Variants in JMJD1C observed in about 807,000 individuals in gnomAD.
JMJD1C encodes the protein jumonji domain-containing protein 1C.
JMJD1C carries 31 observed loss-of-function variants against 245.3 expected under a neutral mutation model. That is an observed-to-expected ratio of 0.13 (90% CI 0.09 to 0.17). The LOEUF is 0.17. Among genes scored for constraint, JMJD1C ranks in the 10% least tolerant of loss-of-function variants. JMJD1C has a pLI of 1.00. For synonymous variants in JMJD1C, 1,057 were observed against 1,017.4 expected (o/e 1.04, Z -0.74); for missense variants, 2,691 against 3,000.2 (o/e 0.90, Z 2.41).
At chr10:63,421,638 TCTGA>T (rs1319038191) in intron 1 of JMJD1C, among the ~76,000 whole-genome samples, 15 of 152,338 alleles carry the variant, frequency 9.8e-5, no homozygotes, top group African/African-American at 3.6e-4. Context: ...CCCTGATGTG[TCTGA>T]CTATATTTGC....
chr10:63,222,649 A>G, intron 3 of JMJD1C: 7 of 1,550,322 alleles, frequency 4.5e-6, no homozygotes, highest in Non-Finnish European at 6.2e-6. Context: ...AAAGAAATAG[A>G]GATCGGTGTG....
At chr10:63,378,906 T>C (rs900649363) in intron 2 of JMJD1C, among the ~76,000 whole-genome samples, 24 of 152,180 alleles carry the variant, frequency 1.6e-4, no homozygotes, top group Non-Finnish European at 3.4e-4. Flanking sequence ...AATTATCTTC[T>C]TTAGTTTGCT....
At chr10:63,310,897 G>A (rs910529375) in intron 2 of JMJD1C, among the ~76,000 whole-genome samples, 8 of 152,118 alleles carry the variant, frequency 5.3e-5, no homozygotes, top group East Asian at 3.9e-4. Context: ...AAATAAACCC[G>A]ACATTAAGAT....
intron 2 of JMJD1C, among the ~76,000 whole-genome samples, chr10:63,376,688 T>A (rs1019458383): frequency 1.3e-5 from 2 of 152,124 alleles, no homozygotes; most frequent in African/African-American, 4.8e-5. Context: ...CAACATCACA[T>A]TAAGCATTAG....
Position 63,177,831 on chromosome 10 carries a change from T to A in JMJD1C, c.7110A>T (p.Glu2370Asp), listed in dbSNP as rs753338874. 1.9e-6 allele frequency: 3 copies of A among 1,612,966 alleles called. No individual in the cohort carries two copies. The highest frequency in any genetic ancestry group is 2.2e-5 in the South Asian group (2 of 90,666). ...TTTTCCTTAAAATGTCATCCAAATC[T>A]TCTTCCTCAAATTTCTTGAGAATTC... is the stretch of plus-strand genomic sequence containing the variant. ...KAGILKKFEE[E>D]DLDDILRKRL... is the part of the protein sequence containing the mutation. The change falls in exon 23 of 26, where the codon GAA becomes GAT. Residue 2370 changes from glutamate to aspartate, a missense_variant. Physicochemically the swap from Glu to Asp is conservative, Grantham distance 45. Transcript: ENST00000399262.
At chr10:63,361,739 A>G (rs12358791) in intron 2 of JMJD1C, among the ~76,000 whole-genome samples, 7 of 113,284 alleles carry the variant, frequency 6.2e-5, no homozygotes, top group African/African-American at 1.2e-4. Flanking sequence ...AAAAAAAAAA[A>G]AAAAAAAAGA....
intron 22 of JMJD1C, among the ~76,000 whole-genome samples, chr10:63,179,012 T>C (rs1279993447): frequency 1.3e-5 from 2 of 152,216 alleles, no homozygotes; most frequent in Non-Finnish European, 2.9e-5. Context: ...TTGTATCTAC[T>C]AAATAATTTC....
At chr10:63,492,409 T>C (rs1186172469) in intron 1 of JMJD1C, among the ~76,000 whole-genome samples, 2 of 152,228 alleles carry the variant, frequency 1.3e-5, no homozygotes, top group Non-Finnish European at 2.9e-5. Flanking sequence ...CTCACGCCTG[T>C]AATCCCAGCA....
intron 1 of JMJD1C, among the ~76,000 whole-genome samples, chr10:63,395,782 T>C (rs1948445213): frequency 6.6e-6 from 1 of 152,168 alleles, no homozygotes; most frequent in Admixed American, 6.5e-5. Context: ...AAACTGTTGA[T>C]ATATGCAACA....
intron 1 of JMJD1C, among the ~76,000 whole-genome samples, chr10:63,495,202 A>G (rs191743287): frequency 1.1e-4 from 16 of 151,986 alleles, no homozygotes; most frequent in African/African-American, 3.4e-4. Context: ...AAAGGAACCA[A>G]TGTTCTTTGT....
chr10:63,391,924 A>C, intron 1 of JMJD1C, among the ~76,000 whole-genome samples: 1 of 152,208 alleles, frequency 6.6e-6, no homozygotes, highest in Non-Finnish European at 1.5e-5. Flanking sequence ...AGTGGCCAAA[A>C]TAGGATGGTA....
chr10:63,281,309 GT>G (rs71025143), intron 2 of JMJD1C, among the ~76,000 whole-genome samples: 103,300 of 144,652 alleles, frequency 0.71, 37,485 homozygotes, highest in Non-Finnish European at 0.81. Context: ...TAATTTTTCT[GT>G]TTTTTTTTTT....
intron 1 of JMJD1C, among the ~76,000 whole-genome samples, chr10:63,517,289 A>G (rs1955050156): frequency 6.6e-6 from 1 of 152,202 alleles, no homozygotes; most frequent in Non-Finnish European, 1.5e-5. Flanking sequence ...CTCTTTTAAC[A>G]TGCAGAAGAT....
At chr10:63,507,270 A>G (rs558671766) in intron 1 of JMJD1C, among the ~76,000 whole-genome samples, 1 of 152,344 alleles carries the variant, frequency 6.6e-6, no homozygotes, top group Non-Finnish European at 1.5e-5. Flanking sequence ...CATTTGGGAA[A>G]ATACGGAGAA....
At position 63,194,335 on chromosome 10, in the gene JMJD1C, C is replaced by A; in HGVS notation, c.5685G>T (p.Gln1895His). ...GCATTAAATGTTTGTGATCATGAGG[C>A]TGTCCCTTCACACACTTCATCCAAG... is the stretch of plus-strand genomic sequence containing the variant. ...LYAWMKCVKG[Q>H]PHDHKHLMPT... The change falls in exon 14 of 26, where the codon CAG (glutamine) becomes CAT (histidine). Residue 1895 changes from glutamine to histidine, a missense_variant. Physicochemically the swap from Gln to His is conservative, Grantham distance 24. Coordinates refer to ENST00000399262, the MANE Select transcript of JMJD1C (RefSeq NM_032776.3). 6.2e-7 allele frequency: 1 copy of A among 1,613,098 alleles called. No individual in the cohort carries two copies. Among genetic ancestry groups the A allele is most frequent in the South Asian group, 1.1e-5 (1 of 91,068 alleles).
chr10:63,486,032 G>A (rs1953981589), intron 1 of JMJD1C, among the ~76,000 whole-genome samples: 1 of 150,998 alleles, frequency 6.6e-6, no homozygotes, highest in Non-Finnish European at 1.5e-5. Context: ...ATTGGGGTCA[G>A]GGAAGTAGTC....
At chr10:63,306,283 T>G (rs746458191) in intron 2 of JMJD1C, among the ~76,000 whole-genome samples, 5 of 151,990 alleles carry the variant, frequency 3.3e-5, no homozygotes, top group Non-Finnish European at 7.4e-5. Context: ...AGAGATGGAG[T>G]TTTACCATGT....
At chr10:63,521,632 G>T (rs1310446294) in intron 1 of JMJD1C, 84 of 1,297,228 alleles carry the variant, frequency 6.5e-5, no homozygotes, top group Non-Finnish European at 8.1e-5. Context: ...GGAGCTGTGG[G>T]AAGGGGAAGG....
intron 1 of JMJD1C, among the ~76,000 whole-genome samples, chr10:63,508,911 T>C (rs1429421214): frequency 1.3e-5 from 2 of 152,204 alleles, no homozygotes; most frequent in Admixed American, 1.3e-4. Context: ...TTTCAATCTA[T>C]ATACCTTTTA....
Sources: gnomAD v4.1 joint callset for allele counts (sites outside exome capture counted in the v4.1 genomes callset) on GRCh38, gnomAD v4.1.1 for gene constraint, MANE v1.5 for transcripts, NCBI Gene and HGNC (gene_info 2026-07-23, HGNC 2026-07-21) for gene names.